DSCAM: variants seen among roughly 807,000 people sequenced by gnomAD.
DSCAM encodes the protein DS cell adhesion molecule, also known as cell adhesion molecule DSCAM.
Under a neutral mutation model 217.7 loss-of-function variants are expected in DSCAM, and 47 were observed. That is an observed-to-expected ratio of 0.22 (90% CI 0.17 to 0.28). The LOEUF is 0.28. Among genes scored for constraint, DSCAM ranks in the 10% least tolerant of loss-of-function variants. DSCAM has a pLI of 1.00. For missense variants in DSCAM, 2,080 were observed against 2,618.3 expected, an observed-to-expected ratio of 0.79 and a Z score of 4.49; for synonymous variants, 1,056 against 1,015.3, an observed-to-expected ratio of 1.04 and a Z score of -0.76.
chr21:40,432,291 G>GT (rs1418792781), intron 3 of DSCAM, among the ~76,000 whole-genome samples: 1 of 152,132 alleles, frequency 6.6e-6, no homozygotes, highest in Non-Finnish European at 1.5e-5. Context: ...TGGCAAGGCT[G>GT]TTTTTTCCAG....
intron 1 of DSCAM, among the ~76,000 whole-genome samples, chr21:40,803,889 C>A (rs1002194372): frequency 6.6e-5 from 10 of 152,146 alleles, no homozygotes; most frequent in African/African-American, 2.4e-4. Flanking sequence ...CCTAAATGGT[C>A]CTTCAGTGTC....
chr21:40,274,669 T>C (rs1304501871), intron 11 of DSCAM, among the ~76,000 whole-genome samples: 3 of 152,238 alleles, frequency 2.0e-5, no homozygotes, highest in Admixed American at 6.5e-5. Flanking sequence ...CACAATTCGT[T>C]ATCAAATTCT....
chr21:40,834,144 C>G (rs974077726), intron 1 of DSCAM, among the ~76,000 whole-genome samples: 1 of 151,946 alleles, frequency 6.6e-6, no homozygotes, highest in East Asian at 1.9e-4. Context: ...AATAATGAGC[C>G]TAAAATAATA....
At chr21:40,844,608 T>G (rs1456707903) in intron 1 of DSCAM, among the ~76,000 whole-genome samples, 2 of 151,670 alleles carry the variant, frequency 1.3e-5, no homozygotes, top group African/African-American at 2.4e-5. Flanking sequence ...ACATAATTTT[T>G]GCATATATTT....
intron 3 of DSCAM, among the ~76,000 whole-genome samples, chr21:40,507,909 C>T (rs1022028269): frequency 1.7e-4 from 26 of 152,200 alleles, no homozygotes; most frequent in African/African-American, 6.0e-4. Context: ...CTCCTGCATA[C>T]AGACCCTTTT....
intron 3 of DSCAM, among the ~76,000 whole-genome samples, chr21:40,522,770 C>T (rs1298285609): frequency 6.6e-6 from 1 of 152,174 alleles, no homozygotes; most frequent in Non-Finnish European, 1.5e-5. Context: ...GCCAAATCTT[C>T]CTGTTTCCAT....
rs573795845 is a variant in DSCAM, at chr21:40,025,739, G to A, written c.5687-12353C>T. 8.8e-3 allele frequency among the ~76,000 whole-genome samples: 1,321 copies of A among 150,600 alleles called. 61 individuals carry two copies. The highest frequency in any genetic ancestry group is 0.03 in the African/African-American group (1,237 of 40,572). The stretch of plus-strand genomic sequence containing the variant: ...GATGTCCCCTTTATCATTTTTTATT[G>A]CATCTATTTGATTCTTCTCTCTTTT... On this transcript the variant is annotated intron_variant, in intron 32 of 32. Transcript: ENST00000400454.
intron 3 of DSCAM, among the ~76,000 whole-genome samples, chr21:40,667,021 C>G (rs2090209978): frequency 6.6e-6 from 1 of 152,194 alleles, no homozygotes; most frequent in African/African-American, 2.4e-5. Flanking sequence ...TGTATCCCCA[C>G]AAAGCAACAT....
Position 40,479,079 on chromosome 21 carries a change from C to T in DSCAM, c.509-109834G>A, listed in dbSNP as rs189792091. On this transcript the variant is annotated intron_variant, in intron 3 of 32. Coordinates refer to ENST00000400454, the MANE Select transcript of DSCAM (RefSeq NM_001389.5). Reference sequence around the variant, plus strand: ...GGGAAGAATGCTGTAAGAACAGAAGCCCACCTATGTGCCAGGTGCTGTGCT... The same window carrying T: ...GGGAAGAATGCTGTAAGAACAGAAGTCCACCTATGTGCCAGGTGCTGTGCT... Among the ~76,000 whole-genome samples, 14 of 152,302 alleles carry T rather than the reference C, an allele frequency of 9.2e-5. No individual in the cohort carries two copies. In the East Asian group the frequency reaches 2.5e-3, roughly 27 times the overall value.
chr21:40,568,145 T>TACC (rs2146198739), intron 3 of DSCAM, among the ~76,000 whole-genome samples: 1 of 152,346 alleles, frequency 6.6e-6, no homozygotes, highest in South Asian at 2.1e-4. Context: ...AATGCATGTG[T>TACC]ACCACCCCCT....
chr21:40,709,704 G>A (rs1485773508), intron 1 of DSCAM, among the ~76,000 whole-genome samples: 2 of 152,196 alleles, frequency 1.3e-5, no homozygotes, highest in Non-Finnish European at 2.9e-5. Context: ...ATTCCATGGT[G>A]TGTATGTGCC....
Position 40,172,380 on chromosome 21 carries a change from T to C in DSCAM, c.2948-5092A>G, listed in dbSNP as rs141988016. 4.1e-3 allele frequency among the ~76,000 whole-genome samples: 623 copies of C among 152,374 alleles called. 2 individuals are homozygous for C. Among genetic ancestry groups the C allele is most frequent in the African/African-American group, 0.014 (569 of 41,586 alleles). ...ACTATCTTTATAATTTGTATTATGTTTGCAAAGGTAAAAGTCAGGACAATT... is the reference window on the plus strand; with the variant it reads ...ACTATCTTTATAATTTGTATTATGTCTGCAAAGGTAAAAGTCAGGACAATT... On this transcript the variant is annotated intron_variant, in intron 15 of 32. Coordinates refer to ENST00000400454, the MANE Select transcript of DSCAM (RefSeq NM_001389.5).
intron 1 of DSCAM, among the ~76,000 whole-genome samples, chr21:40,800,942 C>T (rs946879749): frequency 2.0e-5 from 3 of 147,424 alleles, no homozygotes; most frequent in African/African-American, 7.4e-5. Context: ...TCTCAAACTC[C>T]TCTTTCTTTC....
At chr21:40,822,971 G>A (rs182189075) in intron 1 of DSCAM, among the ~76,000 whole-genome samples, 70 of 152,150 alleles carry the variant, frequency 4.6e-4, no homozygotes, top group Non-Finnish European at 8.4e-4. Flanking sequence ...CCCACATGGC[G>A]AAACCCCGTC....
At chr21:40,439,776 T>C (rs1601645155) in intron 3 of DSCAM, among the ~76,000 whole-genome samples, 1 of 152,172 alleles carries the variant, frequency 6.6e-6, no homozygotes, top group Non-Finnish European at 1.5e-5. Flanking sequence ...AGAGAGCTTG[T>C]GCAGGGAAAC....
At chr21:40,452,306 G>A (rs2075727096) in intron 3 of DSCAM, among the ~76,000 whole-genome samples, 1 of 149,208 alleles carries the variant, frequency 6.7e-6, no homozygotes. Flanking sequence ...CTCTGTAAAT[G>A]CATCAATCTA....
At chr21:40,030,709 A>T (rs979925823) in intron 32 of DSCAM, among the ~76,000 whole-genome samples, 1 of 152,172 alleles carries the variant, frequency 6.6e-6, no homozygotes, top group Admixed American at 6.5e-5. Context: ...GCATGTGCTA[A>T]TCCTGATTTC....
At chr21:40,260,269 T>A (rs541802043) in intron 11 of DSCAM, among the ~76,000 whole-genome samples, 1 of 152,292 alleles carries the variant, frequency 6.6e-6, no homozygotes, top group African/African-American at 2.4e-5. Flanking sequence ...AAAGTGGACA[T>A]CTAACTTGAG....
At chr21:40,103,244 T>G (rs1444200141) in intron 20 of DSCAM, among the ~76,000 whole-genome samples, 1 of 152,086 alleles carries the variant, frequency 6.6e-6, no homozygotes, top group Admixed American at 6.6e-5. Context: ...TGTGATGTTT[T>G]AAAAAGCTCT....
Sources: gnomAD v4.1 joint callset for allele counts (sites outside exome capture counted in the v4.1 genomes callset) on GRCh38, gnomAD v4.1.1 for gene constraint, MANE v1.5 for transcripts, NCBI Gene and HGNC (gene_info 2026-07-23, HGNC 2026-07-21) for gene names.